The following SYCP3 variants were observed in gnomAD, a reference collection of about 807,000 sequenced individuals.
SYCP3 encodes the protein synaptonemal complex protein 3.
A neutral mutation model predicts 38.5 loss-of-function variants in SYCP3; 29 were observed. The ratio of observed to expected loss-of-function variants is 0.75; its 90% confidence interval spans 0.56 to 1.03. The LOEUF is 1.03. Ranked by LOEUF, SYCP3 falls within the 50% of genes least tolerant of loss-of-function variation. The probability of loss-of-function intolerance (pLI) is 0.00; values close to 1 mark genes in which losing one functional copy is unlikely to be tolerated. For missense variants in SYCP3, 242 were observed against 270.7 expected, an observed-to-expected ratio of 0.89 and a Z score of 0.74; for synonymous variants, 79 against 80.3, an observed-to-expected ratio of 0.98 and a Z score of 0.08.
chr12:101,729,521 C>A (rs2137043323), intron 7 of SYCP3: 1 of 262,374 alleles, frequency 3.8e-6, no homozygotes, highest in East Asian at 9.8e-5. Context: ...TTCTATTAAG[C>A]TTTCCAAATA....
intron 4 of SYCP3, among the ~76,000 whole-genome samples, chr12:101,735,675 T>A (rs1046950619): frequency 2.4e-4 from 37 of 151,098 alleles, no homozygotes; most frequent in Middle Eastern, 3.4e-3. Context: ...TAAAAAAAAA[T>A]TTTTAAAAAG....
Position 101,728,863 on chromosome 12 carries a change from C to T in SYCP3, c.*64G>A, listed in dbSNP as rs1952052587. On this transcript the variant is annotated 3_prime_UTR_variant, in exon 9 of 9. Transcript: ENST00000392924. The stretch of plus-strand genomic sequence containing the variant: ...AACTATTCTAAAGACTTACAATATG[C>T]TTCTTAGCTAACGTTATAATTGTAT... 3.1e-6 allele frequency: 5 copies of T among 1,606,078 alleles called. No homozygotes were observed. The highest frequency in any genetic ancestry group is 4.3e-6 in the Non-Finnish European group (5 of 1,174,072).
At chr12:101,737,638 C>CA in intron 2 of SYCP3, 165 bp downstream of exon 2, 1 of 911,666 alleles carries the variant, frequency 1.1e-6, no homozygotes, top group Non-Finnish European at 1.7e-6. Flanking sequence ...ATGAGAAACA[C>CA]AAGTACAGCT....
At chr12:101,737,606 G>C (rs1029018019) in intron 2 of SYCP3, 197 bp downstream of exon 2, 6 of 738,824 alleles carry the variant, frequency 8.1e-6, no homozygotes, top group East Asian at 2.7e-5. Context: ...CTGTAACTCC[G>C]ATACTGCAAT....
In SYCP3 at chr12:101,737,311, T is replaced by C; in HGVS notation, c.134-13A>G. Reference sequence around the variant, plus strand: ...ACTGCAGTCTTCCCTGTATTGACAATTAAAAAAAAAAAAAAAAAGCTTTTG... The same window carrying C: ...ACTGCAGTCTTCCCTGTATTGACAACTAAAAAAAAAAAAAAAAAGCTTTTG... On this transcript the variant is annotated splice_polypyrimidine_tract_variant and intron_variant, in intron 2 of 8. Transcript: ENST00000392924. The C allele has an allele frequency of 6.8e-7, 1 of 1,479,864 alleles. No individual in the cohort carries two copies. 91.7% of individuals were successfully genotyped at this position (1,479,864 alleles called of 1,614,324 possible).
Position 101,728,777 on chromosome 12 carries a change from G to C in SYCP3, c.*150C>G, listed in dbSNP as rs1435017410. 9.2e-7 allele frequency: 1 copy of C among 1,091,228 alleles called. No homozygotes were observed. The highest frequency in any genetic ancestry group is 1.6e-5 in the African/African-American group (1 of 63,112). 67.6% of individuals were successfully genotyped at this position (1,091,228 alleles called of 1,614,324 possible). ...AACTAACTCATAACTATTTAGATTTGACTTAACAGAAAGGGAGGTCTTACA... is the reference window on the plus strand; with the variant it reads ...AACTAACTCATAACTATTTAGATTTCACTTAACAGAAAGGGAGGTCTTACA... On this transcript the variant is annotated 3_prime_UTR_variant, in exon 9 of 9. Coordinates refer to ENST00000392924, the MANE Select transcript of SYCP3 (RefSeq NM_001177949.2).
intron 1 of SYCP3, among the ~76,000 whole-genome samples, chr12:101,738,155 A>C (rs191168708): frequency 6.6e-6 from 1 of 152,276 alleles, no homozygotes; most frequent in Admixed American, 6.5e-5. Flanking sequence ...CAAGCACGGT[A>C]GCTCACGCCT....
chr12:101,733,878 C>G (rs1172547606), intron 5 of SYCP3, among the ~76,000 whole-genome samples: 3 of 152,000 alleles, frequency 2.0e-5, no homozygotes, highest in Non-Finnish European at 4.4e-5. Flanking sequence ...AGAAGAAAAG[C>G]CCTGTCACAA....
chr12:101,737,782 C>G, intron 2 of SYCP3, 21 bp downstream of exon 2: 2 of 1,613,992 alleles, frequency 1.2e-6, no homozygotes, highest in Non-Finnish European at 1.7e-6. Context: ...ACATCACTGC[C>G]CAACATGAGA....
At chr12:101,735,557 A>C (rs1594176385) in intron 4 of SYCP3, among the ~76,000 whole-genome samples, 1 of 152,064 alleles carries the variant, frequency 6.6e-6, no homozygotes, top group East Asian at 1.9e-4. Context: ...ACTACTTGGC[A>C]GACTGAGGCA....
intron 1 of SYCP3, among the ~76,000 whole-genome samples, chr12:101,738,460 G>A (rs1179957344): frequency 2.0e-5 from 3 of 150,606 alleles, no homozygotes; most frequent in Non-Finnish European, 3.0e-5. Context: ...GAAATGGCCG[G>A]GCGCTGTGGC....
At chr12:101,733,763 A>G (rs1460761111) in intron 5 of SYCP3, 89 bp from the exon 6 acceptor site, 3 of 1,227,244 alleles carry the variant, frequency 2.4e-6, no homozygotes, top group South Asian at 2.6e-5. Flanking sequence ...GTTATACTAT[A>G]TAAGAAAAGG....
chr12:101,735,871 A>ATATATATATATATATATATTTTTTTTT, intron 4 of SYCP3, among the ~76,000 whole-genome samples: 70 of 74,662 alleles, frequency 9.4e-4, no homozygotes, highest in Non-Finnish European at 1.2e-3. Flanking sequence ...ATATATATAT[A>ATATATATATATATATATATTTTTTTTT]TTTTTTTTTT....
chr12:101,729,415 G>A, intron 7 of SYCP3: 1 of 563,188 alleles, frequency 1.8e-6, no homozygotes, highest in Non-Finnish European at 3.1e-6. Flanking sequence ...AAATGTTATA[G>A]GAAGTACAAT....
rs141008996 is a variant in SYCP3 at position 101,736,922 on chromosome 12, T to C, written c.235+115A>G. 598 of 933,460 alleles carry C rather than the reference T, an allele frequency of 6.4e-4. 6 individuals carry two copies. In the African/African-American group the frequency reaches 8.7e-3, roughly 14 times the overall value. 57.8% of individuals were successfully genotyped at this position (933,460 alleles called of 1,614,324 possible). A position where few individuals can be genotyped will look rare whatever the true frequency, so the allele number is the denominator to read the frequency against. On this transcript the variant is annotated intron_variant, in intron 4 of 8. Transcript: ENST00000392924. ...ACAAATACTTATGCAGAATCTTCTA[T>C]GTGAGAACAAGGCATTAAATAACAG...
intron 4 of SYCP3, among the ~76,000 whole-genome samples, chr12:101,735,867 A>ATTTTTTT (rs1179118220): frequency 1.6e-5 from 1 of 63,104 alleles, no homozygotes; most frequent in African/African-American, 7.6e-5. Context: ...ATATATATAT[A>ATTTTTTT]TATATTTTTT....
Position 101,735,031 on chromosome 12 carries a change from C to T in SYCP3, c.249G>A (p.Lys83=). 6.2e-7 allele frequency: 1 copy of T among 1,603,718 alleles called. No individual in the cohort carries two copies. ...GTCTCTTTCTCTTGGCAAGAAGAGC[C>T]TTGTTAATGTCAACTAGATTGAAAA... is the stretch of plus-strand genomic sequence containing the variant. ...MLEGVGVDIN[K]ALLAKRKRLE... The change falls in exon 5 of 9, where the codon AAG becomes AAA. Residue 83 remains lysine, a synonymous_variant. Transcript: ENST00000392924.
In SYCP3 at chr12:101,729,096, T is replaced by C. The variant is rs745685667; in HGVS notation, c.657+13A>G. On this transcript the variant is annotated intron_variant, in intron 8 of 8. Coordinates refer to ENST00000392924, the MANE Select transcript of SYCP3 (RefSeq NM_001177949.2). ...TTAATCCTTATTTTTTCAATTTCAATATGATCACTTACAGTTTCCATCATA... is the reference window on the plus strand; with the variant it reads ...TTAATCCTTATTTTTTCAATTTCAACATGATCACTTACAGTTTCCATCATA... 2.2e-5 allele frequency: 35 copies of C among 1,608,550 alleles called. No homozygotes were observed. The highest frequency in any genetic ancestry group is 2.8e-5 in the Non-Finnish European group (33 of 1,175,854).
Position 101,736,708 on chromosome 12 carries a change from ATGTGTGTG to A in SYCP3, c.235+321_235+328del, listed in dbSNP as rs34377603. On this transcript the variant is annotated intron_variant, in intron 4 of 8. Coordinates refer to ENST00000392924, the MANE Select transcript of SYCP3 (RefSeq NM_001177949.2). ...TATACAAATATATGTATGTATGTAT[ATGTGTGTG>A]TGTGTGTGTGTGTGTGTGTGTGTGT... 9.1e-4 allele frequency among the ~76,000 whole-genome samples: 136 copies of A among 148,992 alleles called. 1 individual carries two copies. The highest frequency in any genetic ancestry group is 1.9e-3 in the South Asian group (9 of 4,680).
Sources: gnomAD v4.1 joint callset for allele counts (sites outside exome capture counted in the v4.1 genomes callset) on GRCh38, gnomAD v4.1.1 for gene constraint, MANE v1.5 for transcripts, NCBI Gene and HGNC (gene_info 2026-07-23, HGNC 2026-07-21) for gene names.